DCC: variants seen among roughly 807,000 people sequenced by gnomAD.
DCC encodes the protein DCC netrin 1 receptor, also known as netrin receptor DCC.
In DCC, 58 loss-of-function variants were observed where a neutral mutation model predicts 172.5. That is an observed-to-expected ratio of 0.34 (90% CI 0.27 to 0.42). The LOEUF (loss-of-function observed/expected upper bound fraction) is 0.42, where lower values mean the gene tolerates loss of function less well. Ranked by LOEUF, DCC falls within the 10% of genes least tolerant of loss-of-function variation. The probability of loss-of-function intolerance (pLI) is 1.00; values close to 1 mark genes in which losing one functional copy is unlikely to be tolerated. For synonymous variants in DCC, 709 were observed against 644.5 expected, an observed-to-expected ratio of 1.10 and a Z score of -1.52; for missense variants, 1,740 against 1,791.0, an observed-to-expected ratio of 0.97 and a Z score of 0.51.
intron 1 of DCC, among the ~76,000 whole-genome samples, chr18:52,573,785 G>C (rs963246827): frequency 3.9e-5 from 6 of 152,180 alleles, no homozygotes; most frequent in Non-Finnish European, 8.8e-5. Flanking sequence ...TTAAGTAACT[G>C]TATTAAGTGA....
At chr18:53,287,935 G>T (rs761880676) in intron 12 of DCC, among the ~76,000 whole-genome samples, 23 of 152,112 alleles carry the variant, frequency 1.5e-4, no homozygotes, top group Non-Finnish European at 2.5e-4. Flanking sequence ...GATAGAACTG[G>T]AGAGGATTTT....
At chr18:52,573,505 T>C (rs188252358) in intron 1 of DCC, among the ~76,000 whole-genome samples, 19 of 152,352 alleles carry the variant, frequency 1.2e-4, no homozygotes, top group African/African-American at 4.6e-4. Flanking sequence ...CAACTTTCCT[T>C]ACCAGATGGC....
At chr18:53,084,592 C>A (rs2042852841) in intron 7 of DCC, among the ~76,000 whole-genome samples, 1 of 152,182 alleles carries the variant, frequency 6.6e-6, no homozygotes, top group Admixed American at 6.6e-5. Context: ...GCTTTTCTAA[C>A]TGGTTCCCAG....
intron 7 of DCC, among the ~76,000 whole-genome samples, chr18:53,153,484 G>A (rs190076255): frequency 3.7e-4 from 57 of 152,168 alleles, no homozygotes; most frequent in African/African-American, 1.3e-3. Flanking sequence ...CTGTGAGAGC[G>A]CCACACCCTG....
intron 1 of DCC, among the ~76,000 whole-genome samples, chr18:52,575,331 G>A (rs1390717985): frequency 1.3e-5 from 2 of 152,148 alleles, no homozygotes; most frequent in African/African-American, 4.8e-5. Context: ...GCAAACCTAA[G>A]TGATACTGAG....
At chr18:53,498,423 A>C (rs1002477392) in intron 26 of DCC, among the ~76,000 whole-genome samples, 1 of 152,156 alleles carries the variant, frequency 6.6e-6, no homozygotes, top group Non-Finnish European at 1.5e-5. Context: ...TAAACCTACT[A>C]TGCAGCTCGT....
At chr18:52,778,576 C>T (rs1474211931) in intron 2 of DCC, among the ~76,000 whole-genome samples, 1 of 152,132 alleles carries the variant, frequency 6.6e-6, no homozygotes, top group Non-Finnish European at 1.5e-5. Context: ...TTTCTAAAAG[C>T]TTCCTTTAGA....
At chr18:53,352,265 A>C (rs2057821227) in intron 15 of DCC, among the ~76,000 whole-genome samples, 1 of 152,136 alleles carries the variant, frequency 6.6e-6, no homozygotes, top group Non-Finnish European at 1.5e-5. Flanking sequence ...TCATAGAGGT[A>C]TTTATTATTT....
At chr18:52,824,262 TTC>T (rs2145279444) in intron 2 of DCC, among the ~76,000 whole-genome samples, 1 of 152,336 alleles carries the variant, frequency 6.6e-6, no homozygotes, top group South Asian at 2.1e-4. Flanking sequence ...GTTATTCTGT[TTC>T]TTTTACTCTC....
At chr18:53,284,272 A>G (rs2056909086) in intron 12 of DCC, among the ~76,000 whole-genome samples, 1 of 152,154 alleles carries the variant, frequency 6.6e-6, no homozygotes, top group African/African-American at 2.4e-5. Context: ...TAACTTGAGG[A>G]TAGATATGGC....
intron 8 of DCC, among the ~76,000 whole-genome samples, chr18:53,177,389 T>G (rs758328697): frequency 5.3e-5 from 8 of 152,192 alleles, no homozygotes; most frequent in Non-Finnish European, 7.4e-5. Context: ...CTCCCATCAC[T>G]TAGCTCCTGG....
intron 1 of DCC, among the ~76,000 whole-genome samples, chr18:52,399,153 A>G (rs1408740061): frequency 6.6e-6 from 1 of 151,970 alleles, no homozygotes; most frequent in Non-Finnish European, 1.5e-5. Context: ...TCATAGTAAG[A>G]TGTCTTTAAA....
chr18:52,685,522 G>A (rs1196523569), intron 1 of DCC, among the ~76,000 whole-genome samples: 3 of 152,116 alleles, frequency 2.0e-5, no homozygotes, highest in African/African-American at 7.2e-5. Context: ...GTACCTCATG[G>A]AATGAGTAAT....
chr18:53,262,434 G>T (rs901422173), intron 12 of DCC, among the ~76,000 whole-genome samples: 11 of 151,822 alleles, frequency 7.2e-5, no homozygotes, highest in Admixed American at 1.3e-4. Context: ...ATAATTCATT[G>T]TCCCTGGATC....
At chr18:53,384,470 C>T (rs1907991267) in intron 15 of DCC, among the ~76,000 whole-genome samples, 1 of 151,950 alleles carries the variant, frequency 6.6e-6, no homozygotes, top group Admixed American at 6.6e-5. Context: ...TACGTTAGAT[C>T]TTCCTTCTCT....
chr18:53,388,387 G>A (rs974626002), intron 16 of DCC, among the ~76,000 whole-genome samples: 5 of 152,162 alleles, frequency 3.3e-5, no homozygotes, highest in African/African-American at 9.7e-5. Context: ...TTCTGCAAAG[G>A]CATACCATGG....
chr18:52,474,244 A>AGAGAGAGAGAGAGAGAGAG (rs1568186675), intron 1 of DCC, among the ~76,000 whole-genome samples: 1 of 32,144 alleles, frequency 3.1e-5, no homozygotes, highest in African/African-American at 8.7e-5. Context: ...GAGAGAGAGA[A>AGAGAGAGAGAGAGAGAGAG]AGAGAGAGAA....
chr18:52,799,777 G>C (rs181406653), intron 2 of DCC, among the ~76,000 whole-genome samples: 3 of 152,250 alleles, frequency 2.0e-5, no homozygotes, highest in Admixed American at 2.0e-4. Context: ...AATGCAGCTT[G>C]ATTTCTGATA....
At chr18:53,413,770 G>A (rs993670899) in intron 20 of DCC, among the ~76,000 whole-genome samples, 5 of 152,146 alleles carry the variant, frequency 3.3e-5, no homozygotes, top group African/African-American at 1.2e-4. Context: ...ATGAGATGCT[G>A]ATGAGGATAG....
Sources: gnomAD v4.1 joint callset for allele counts (sites outside exome capture counted in the v4.1 genomes callset) on GRCh38, gnomAD v4.1.1 for gene constraint, MANE v1.5 for transcripts, NCBI Gene and HGNC (gene_info 2026-07-23, HGNC 2026-07-21) for gene names.